WWOX: variants seen among roughly 807,000 people sequenced by gnomAD.
WWOX encodes the protein WW domain containing oxidoreductase, also known as WW domain-containing oxidoreductase.
WWOX carries 69 observed loss-of-function variants against 46.2 expected under a neutral mutation model. The observed-to-expected ratio is 1.49, with a 90% confidence interval of 1.23 to 1.82. The LOEUF (loss-of-function observed/expected upper bound fraction) is 1.82, where lower values mean the gene tolerates loss of function less well. Ranked by LOEUF, WWOX falls within the 40% of genes most tolerant of loss-of-function variation. The pLI is 0.00. For synonymous variants in WWOX, 359 were observed against 202.6 expected, an observed-to-expected ratio of 1.77 and a Z score of -6.56; for missense variants, 919 against 542.6, an observed-to-expected ratio of 1.69 and a Z score of -6.89.
intron 8 of WWOX, among the ~76,000 whole-genome samples, chr16:78,650,642 A>G (rs939761311): frequency 2.0e-5 from 3 of 152,208 alleles, no homozygotes; most frequent in Non-Finnish European, 2.9e-5. Flanking sequence ...ATTTATTATA[A>G]TGGAGGTGTT....
intron 8 of WWOX, among the ~76,000 whole-genome samples, chr16:78,689,166 C>T (rs1180504794): frequency 2.6e-5 from 4 of 152,164 alleles, no homozygotes; most frequent in African/African-American, 9.7e-5. Flanking sequence ...CCCTCTACTT[C>T]CACCCCACCA....
intron 6 of WWOX, among the ~76,000 whole-genome samples, chr16:78,417,038 G>A (rs984247869): frequency 8.7e-6 from 1 of 115,516 alleles, no homozygotes; most frequent in African/African-American, 6.1e-5. Flanking sequence ...TGACCCTTTG[G>A]GGGTGTGTGT....
intron 8 of WWOX, chr16:79,203,858 A>C (rs889457506): frequency 6.6e-6 from 1 of 152,222 alleles, no homozygotes; most frequent in African/African-American, 2.4e-5. Context: ...ATTTATACGC[A>C]GTACACGAGC....
At chr16:79,041,103 G>A (rs577602263) in intron 8 of WWOX, among the ~76,000 whole-genome samples, 74 of 151,992 alleles carry the variant, frequency 4.9e-4, no homozygotes, top group Non-Finnish European at 7.4e-4. Flanking sequence ...AATTCATTAC[G>A]TGTGTTGTCA....
rs200954926 is a variant in WWOX, at chr16:78,693,658, G to A, written c.1056+260906G>A. On this transcript the variant is annotated intron_variant, in intron 8 of 8. Coordinates refer to ENST00000566780, the MANE Select transcript of WWOX (RefSeq NM_016373.4). ...GAGACATTGTTGGTTGTGGTGCGGT[G>A]ACATAACTATTGGCATCGAGTGGAT... 2.0e-5 allele frequency among the ~76,000 whole-genome samples: 3 copies of A among 152,150 alleles called. No individual in the cohort carries two copies. In the East Asian group the frequency reaches 5.8e-4, roughly 29 times the overall value.
intron 8 of WWOX, among the ~76,000 whole-genome samples, chr16:79,013,626 G>A (rs867361031): frequency 3.3e-5 from 5 of 152,106 alleles, no homozygotes; most frequent in African/African-American, 1.2e-4. Flanking sequence ...GTCCTGTGCT[G>A]CCTGGGTCCC....
chr16:79,052,248 T>C (rs1056761978), intron 8 of WWOX, among the ~76,000 whole-genome samples: 4 of 148,936 alleles, frequency 2.7e-5, no homozygotes, highest in African/African-American at 1.0e-4. Context: ...GTCCATGTGA[T>C]CTCATTGTTC....
chr16:78,910,447 G>A (rs1023907559), intron 8 of WWOX, among the ~76,000 whole-genome samples: 1 of 151,656 alleles, frequency 6.6e-6, no homozygotes, highest in African/African-American at 2.4e-5. Flanking sequence ...GGAGAACCTT[G>A]TTCATCCGTA....
intron 5 of WWOX, among the ~76,000 whole-genome samples, chr16:78,198,257 A>G (rs984350951): frequency 2.6e-5 from 4 of 152,148 alleles, no homozygotes; most frequent in Non-Finnish European, 5.9e-5. Flanking sequence ...CCAGCATTCA[A>G]AGAAGATCCT....
chr16:78,358,474 A>G (rs1273545083), intron 5 of WWOX, among the ~76,000 whole-genome samples: 3 of 152,160 alleles, frequency 2.0e-5, no homozygotes, highest in Non-Finnish European at 2.9e-5. Context: ...CCTGGCCAAC[A>G]TGGTGAAACC....
chr16:79,025,587 C>T (rs377086021), intron 8 of WWOX, among the ~76,000 whole-genome samples: 1 of 152,080 alleles, frequency 6.6e-6, no homozygotes, highest in South Asian at 2.1e-4. Context: ...AATAGGTTCT[C>T]CTCAGAGCCC....
chr16:78,433,597 A>G (rs541166080), intron 8 of WWOX, among the ~76,000 whole-genome samples: 2 of 152,206 alleles, frequency 1.3e-5, no homozygotes, highest in Non-Finnish European at 2.9e-5. Flanking sequence ...CCTTTTAGCG[A>G]TATCACAGGC....
intron 8 of WWOX, among the ~76,000 whole-genome samples, chr16:78,624,668 C>G (rs1342463534): frequency 3.3e-5 from 5 of 152,170 alleles, no homozygotes; most frequent in Non-Finnish European, 5.9e-5. Context: ...AAAACCCTCA[C>G]TTTTATTGCA....
intron 4 of WWOX, chr16:78,124,384 A>G (rs1449037878): frequency 2.0e-5 from 3 of 152,216 alleles, no homozygotes; most frequent in Admixed American, 6.5e-5. Flanking sequence ...AGATGCTGAC[A>G]GTTGAAACCC....
At chr16:78,139,312 G>T (rs1194874533) in intron 4 of WWOX, among the ~76,000 whole-genome samples, 3 of 152,166 alleles carry the variant, frequency 2.0e-5, no homozygotes, top group African/African-American at 7.2e-5. Flanking sequence ...TGGGGTTGGC[G>T]AGAGGGTGTT....
At chr16:78,344,568 T>C (rs528207088) in intron 5 of WWOX, among the ~76,000 whole-genome samples, 1 of 121,324 alleles carries the variant, frequency 8.2e-6, no homozygotes, top group Admixed American at 8.0e-5. Flanking sequence ...GACTCTATCG[T>C]GTGAATTAGC....
chr16:78,199,535 G>T (rs886410530), intron 5 of WWOX, among the ~76,000 whole-genome samples: 3 of 152,180 alleles, frequency 2.0e-5, no homozygotes, highest in African/African-American at 7.2e-5. Flanking sequence ...AGGAAAGCCA[G>T]TGTTCTCATG....
intron 8 of WWOX, among the ~76,000 whole-genome samples, chr16:78,614,921 T>C (rs2045984307): frequency 6.6e-6 from 1 of 152,202 alleles, no homozygotes; most frequent in African/African-American, 2.4e-5. Context: ...AGATTTTCCT[T>C]TTCCATAGCT....
intron 8 of WWOX, among the ~76,000 whole-genome samples, chr16:79,027,798 C>T (rs533523161): frequency 7.9e-5 from 12 of 151,786 alleles, no homozygotes; most frequent in Non-Finnish European, 1.5e-4. Flanking sequence ...AGAAGCATTT[C>T]TCGGGATGGT....
Sources: allele counts gnomAD v4.1 joint callset (sites outside exome capture counted in the v4.1 genomes callset), GRCh38; gene constraint gnomAD v4.1.1; transcripts MANE v1.5; gene names NCBI Gene and HGNC (gene_info 2026-07-23, HGNC 2026-07-21).